TNR: variants seen among roughly 807,000 people sequenced by gnomAD.
The protein encoded by TNR is tenascin-R.
TNR carries 45 observed loss-of-function variants against 150.4 expected under a neutral mutation model. The ratio of observed to expected loss-of-function variants is 0.30; its 90% CI spans 0.24 to 0.38. The LOEUF (loss-of-function observed/expected upper bound fraction) is 0.38. Among genes scored for constraint, TNR ranks in the 10% least tolerant of loss-of-function variants. TNR has a pLI of 1.00. For synonymous variants in TNR, 687 were observed against 678.4 expected (o/e 1.01, Z -0.20); for missense variants, 1,544 against 1,759.1 (o/e 0.88, Z 2.19).
intron 2 of TNR, among the ~76,000 whole-genome samples, chr1:175,445,801 T>C (rs1656019350): frequency 6.6e-6 from 1 of 152,224 alleles, no homozygotes; most frequent in Non-Finnish European, 1.5e-5. Context: ...GCATGACCTA[T>C]GATTGCAGTT....
At chr1:175,482,341 C>A (rs1657846423) in intron 2 of TNR, among the ~76,000 whole-genome samples, 1 of 152,170 alleles carries the variant, frequency 6.6e-6, no homozygotes, top group Non-Finnish European at 1.5e-5. Context: ...GCCTTTGTGG[C>A]CTGGCTAGGA....
At chr1:175,395,166 T>C (rs1340692657) in intron 5 of TNR, among the ~76,000 whole-genome samples, 1 of 152,158 alleles carries the variant, frequency 6.6e-6, no homozygotes, top group Non-Finnish European at 1.5e-5. Context: ...TTCTGTCACC[T>C]GAAAAGCAAG....
rs151050081 is a variant in TNR, at chr1:175,570,176, G to T, written c.-164-41807C>A. Reference sequence around the variant, plus strand: ...CTTTCATCCCCGCTCCTTTTGTGTGGAGAAGACCAAACTGCTGATTTGTGA... The same window carrying T: ...CTTTCATCCCCGCTCCTTTTGTGTGTAGAAGACCAAACTGCTGATTTGTGA... On this transcript the variant is annotated intron_variant, in intron 1 of 22. Transcript: ENST00000367674. 7.8e-3 allele frequency among the ~76,000 whole-genome samples: 1,192 copies of T among 152,250 alleles called. 13 individuals are homozygous for T. The highest frequency in any genetic ancestry group is 0.027 in the African/African-American group (1,130 of 41,536).
chr1:175,374,808 G>A (rs1368271627), intron 9 of TNR, among the ~76,000 whole-genome samples: 4 of 152,190 alleles, frequency 2.6e-5, no homozygotes, highest in African/African-American at 7.2e-5. Flanking sequence ...ACGGGCCCTG[G>A]GTGGTTGTGA....
chr1:175,332,684 C>T (rs561698594), intron 20 of TNR, among the ~76,000 whole-genome samples: 1 of 152,286 alleles, frequency 6.6e-6, no homozygotes, highest in African/African-American at 2.4e-5. Flanking sequence ...GGGTTTCCTC[C>T]CTGGCCTAAG....
At chr1:175,630,957 G>A (rs1664305930) in intron 1 of TNR, among the ~76,000 whole-genome samples, 1 of 152,368 alleles carries the variant, frequency 6.6e-6, no homozygotes, top group South Asian at 2.1e-4. Flanking sequence ...GGGGCAAGGA[G>A]ATTCATTTAA....
chr1:175,395,678 C>T (rs895195954), intron 5 of TNR, among the ~76,000 whole-genome samples: 2 of 152,106 alleles, frequency 1.3e-5, no homozygotes, highest in Non-Finnish European at 2.9e-5. Flanking sequence ...TTCTGCCTGG[C>T]TTTTGAAATT....
At chr1:175,417,075 G>GAAAGAAAGAAAAATAAAT (rs754333098) in intron 2 of TNR, among the ~76,000 whole-genome samples, 4 of 138,166 alleles carry the variant, frequency 2.9e-5, no homozygotes, top group African/African-American at 8.1e-5. Context: ...AAGAAAGAAA[G>GAAAGAAAGAAAAATAAAT]AAATCTAAGA....
chr1:175,587,744 A>G (rs953659583), intron 1 of TNR, among the ~76,000 whole-genome samples: 1 of 152,204 alleles, frequency 6.6e-6, no homozygotes, highest in Non-Finnish European at 1.5e-5. Context: ...CAGGAAAACA[A>G]TATTTCTTTC....
At chr1:175,416,870 T>G (rs1654483845) in intron 2 of TNR, among the ~76,000 whole-genome samples, 1 of 151,922 alleles carries the variant, frequency 6.6e-6, no homozygotes, top group Non-Finnish European at 1.5e-5. Flanking sequence ...TAGCCAGGCG[T>G]GGTGGCAGGC....
intron 1 of TNR, among the ~76,000 whole-genome samples, chr1:175,722,942 C>T (rs1168895530): frequency 3.9e-5 from 6 of 152,072 alleles, no homozygotes; most frequent in South Asian, 4.2e-4. Context: ...CAGGCACATA[C>T]CACCATGATG....
At chr1:175,526,193 A>G (rs1262901656) in intron 2 of TNR, among the ~76,000 whole-genome samples, 3 of 152,194 alleles carry the variant, frequency 2.0e-5, no homozygotes, top group Non-Finnish European at 4.4e-5. Context: ...AAACATTCAT[A>G]TTTCTGACTA....
intron 1 of TNR, among the ~76,000 whole-genome samples, chr1:175,644,995 C>T (rs1664768811): frequency 6.6e-6 from 1 of 152,114 alleles, no homozygotes; most frequent in African/African-American, 2.4e-5. Flanking sequence ...TGGGAATGAG[C>T]CATTAGTCAA....
At chr1:175,580,757 T>C (rs1271992687) in intron 1 of TNR, among the ~76,000 whole-genome samples, 3 of 152,252 alleles carry the variant, frequency 2.0e-5, no homozygotes, top group South Asian at 4.1e-4. Context: ...TGTGTTTGTG[T>C]GGGATACGGT....
chr1:175,515,033 C>T (rs704820), intron 2 of TNR, among the ~76,000 whole-genome samples: 96,854 of 152,064 alleles, frequency 0.64, 31,508 homozygotes, highest in African/African-American at 0.77. Flanking sequence ...CAACTCGTTC[C>T]GGGCCAAGTC....
At chr1:175,631,471 AT>A (rs1227991133) in intron 1 of TNR, among the ~76,000 whole-genome samples, 1 of 151,598 alleles carries the variant, frequency 6.6e-6, no homozygotes, top group Non-Finnish European at 1.5e-5. Context: ...ACATTATGAG[AT>A]TTTTTTCTTT....
intron 18 of TNR, among the ~76,000 whole-genome samples, chr1:175,351,947 G>GAAACAACAACC: frequency 6.6e-6 from 1 of 152,294 alleles, no homozygotes; most frequent in East Asian, 1.9e-4. Flanking sequence ...CTGGAGTCTT[G>GAAACAACAACC]TAAACACAAA....
intron 1 of TNR, among the ~76,000 whole-genome samples, chr1:175,604,730 A>G (rs1481334543): frequency 3.3e-5 from 5 of 152,160 alleles, no homozygotes; most frequent in Non-Finnish European, 7.4e-5. Context: ...TGTTATTGGT[A>G]GGGCTTTCAA....
In TNR at chr1:175,641,812, G is replaced by C. The variant is rs142620111; in HGVS notation, c.-165+101414C>G. Among the ~76,000 whole-genome samples, 288 of 152,274 alleles carry C rather than the reference G, an allele frequency of 1.9e-3. 1 individual carries two copies. Among genetic ancestry groups the C allele is most frequent in the African/African-American group, 6.1e-3 (252 of 41,556 alleles). On this transcript the variant is annotated intron_variant, in intron 1 of 22. Transcript: ENST00000367674. ...AGATGTGTTAGTCAATTATTGACTA[G>C]GAAAGCCTCATAGCGCAGGTTAAAT...
Sources: gnomAD v4.1 joint callset for allele counts (sites outside exome capture counted in the v4.1 genomes callset) on GRCh38, gnomAD v4.1.1 for gene constraint, MANE v1.5 for transcripts, NCBI Gene and HGNC (gene_info 2026-07-23, HGNC 2026-07-21) for gene names.